The following SMARCA5 variants were observed in gnomAD, a reference collection of about 807,000 sequenced individuals.
SMARCA5 encodes SWI/SNF-related matrix-associated actin-dependent regulator of chromatin subfamily A member 5.
A neutral mutation model predicts 140.4 loss-of-function variants in SMARCA5; 18 were observed. The observed-to-expected ratio is 0.13, with a 90% CI of 0.09 to 0.19. SMARCA5 has a LOEUF of 0.19. Ranked by LOEUF, SMARCA5 falls within the 10% of genes least tolerant of loss-of-function variation. The pLI is 1.00. For missense variants in SMARCA5, 606 were observed against 1,276.8 expected, an observed-to-expected ratio of 0.47 and a Z score of 8.01; for synonymous variants, 449 against 419.6, an observed-to-expected ratio of 1.07 and a Z score of -0.86.
At chr4:143,524,318 T>A (rs891229369) in intron 3 of SMARCA5, 49 bp from the exon 4 acceptor site, 1 of 1,339,648 alleles carries the variant, frequency 7.5e-7, no homozygotes, top group Non-Finnish European at 1.0e-6. Flanking sequence ...CAGTAGCTGA[T>A]AATTAAAGCC....
chr4:143,514,417 A>G, intron 1 of SMARCA5: 1 of 309,388 alleles, frequency 3.2e-6, no homozygotes, highest in Non-Finnish European at 6.0e-6. Context: ...TTTTTTTCCC[A>G]CTAGACTCCC....
chr4:143,547,520 T>A lies in SMARCA5; in HGVS notation c.2772+17T>A. ...GACACAAAGGTAATTTGCTTGTTAA[T>A]AAGTTAGGTAGTTAATAAAATAACT... is the stretch of plus-strand genomic sequence containing the variant. On this transcript the variant is annotated intron_variant, in intron 21 of 23. Transcript: ENST00000283131. The A allele has an allele frequency of 7.7e-7, 1 of 1,293,072 alleles. No homozygotes were observed. The highest frequency in any genetic ancestry group is 1.8e-4 in the Middle Eastern group (1 of 5,414). The allele number at this position is 1,293,072 out of a possible 1,614,324, so 80.1% of individuals were successfully genotyped here.
chr4:143,528,055 A>C (rs763528438), intron 7 of SMARCA5, 32 bp downstream of exon 7: 1 of 1,501,638 alleles, frequency 6.7e-7, no homozygotes, highest in South Asian at 1.3e-5. Context: ...AAAAGCCTTC[A>C]TGTAAGAATT....
Position 143,527,876 on chromosome 4 carries a change from T to G in SMARCA5, c.810T>G (p.Phe270Leu). Residue 270 changes from phenylalanine to leucine, a missense_variant, in exon 7 of 24, where the codon TTT becomes TTG. By Grantham distance (22) the Phe-to-Leu change is conservative. Transcript: ENST00000283131. ...LIGDKEQRAA[F>L]VRDVLLPGEW... ...TTTCTCTTGTTACACAGGCTGCTTTTGTCAGAGACGTTTTATTACCGGGAG... is the reference window on the plus strand; with the variant it reads ...TTTCTCTTGTTACACAGGCTGCTTTGGTCAGAGACGTTTTATTACCGGGAG... 6.3e-7 allele frequency: 1 copy of G among 1,593,140 alleles called. No individual in the cohort carries two copies.
At chr4:143,529,088 C>A (rs1357344176) in intron 8 of SMARCA5, among the ~76,000 whole-genome samples, 2 of 152,256 alleles carry the variant, frequency 1.3e-5, no homozygotes, top group East Asian at 1.9e-4. Flanking sequence ...GTGTGTGCCA[C>A]CATGCCCGGC....
intron 13 of SMARCA5, among the ~76,000 whole-genome samples, chr4:143,539,572 TACTG>T (rs1737387609): frequency 1.3e-5 from 2 of 150,868 alleles, no homozygotes; most frequent in South Asian, 4.2e-4. Flanking sequence ...GTTTCGCTCT[TACTG>T]CTCAGGCTGG....
At chr4:143,552,266 GT>G (rs1306408414) in intron 23 of SMARCA5, among the ~76,000 whole-genome samples, 1 of 151,960 alleles carries the variant, frequency 6.6e-6, no homozygotes, top group East Asian at 1.9e-4. Flanking sequence ...CACTGAATTT[GT>G]TTATGAGTTC....
At position 143,546,895 on chromosome 4, in the gene SMARCA5, C is replaced by G; in HGVS notation, c.2640C>G (p.Val880=). Residue 880 remains valine, a synonymous_variant, in exon 20 of 24, where the codon GTC becomes GTG. Coordinates refer to ENST00000283131, the MANE Select transcript of SMARCA5 (RefSeq NM_003601.4). Reference sequence around the variant, plus strand: ...TAGAAGGCAAAACTCCAGAAGAAGTCATTGAATATTCAGGTAATTCTTTTA... The same window carrying G: ...TAGAAGGCAAAACTCCAGAAGAAGTGATTGAATATTCAGGTAATTCTTTTA... ...REVEGKTPEE[V]IEYSAVFWER... is the part of the protein sequence containing the mutation. The G allele has an allele frequency of 6.2e-7, 1 of 1,612,578 alleles. No homozygotes were observed. Among genetic ancestry groups the G allele is most frequent in the African/African-American group, 1.3e-5 (1 of 74,994 alleles).
chr4:143,524,881 G>A (rs1287547082), intron 4 of SMARCA5, among the ~76,000 whole-genome samples: 1 of 152,070 alleles, frequency 6.6e-6, no homozygotes, highest in Admixed American at 6.6e-5. Flanking sequence ...TTTTCAAAAG[G>A]AGATGGAGGG....
rs1736749453 is a variant in SMARCA5 at position 143,513,738 on chromosome 4, G to A, written c.-187G>A. ...CTAGAGCCCCGCGGAAGAGCAGAACGTTTGGGAGTGTGCAGCTCCTGGGCC... is the reference window on the plus strand; with the variant it reads ...CTAGAGCCCCGCGGAAGAGCAGAACATTTGGGAGTGTGCAGCTCCTGGGCC... On this transcript the variant is annotated 5_prime_UTR_variant, in exon 1 of 24. Coordinates refer to ENST00000283131, the MANE Select transcript of SMARCA5 (RefSeq NM_003601.4). The A allele has an allele frequency of 1.1e-5, 7 of 626,908 alleles. No individual in the cohort carries two copies. The allele number at this position is 626,908 out of a possible 1,614,324, so 38.8% of individuals were successfully genotyped here.
intron 2 of SMARCA5, among the ~76,000 whole-genome samples, chr4:143,520,526 C>T (rs532959035): frequency 6.6e-6 from 1 of 152,260 alleles, no homozygotes; most frequent in East Asian, 1.9e-4. Context: ...TGATTATGTT[C>T]CTTTTAAAAA....
In SMARCA5 at chr4:143,513,861, C is replaced by T; in HGVS notation, c.-64C>T. 3.3e-6 allele frequency: 5 copies of T among 1,503,510 alleles called. No individual in the cohort carries two copies. The South Asian group carries it at 4.9e-5, about 15-fold the overall frequency. The allele number at this position is 1,503,510 out of a possible 1,614,324, so 93.1% of individuals were successfully genotyped here. A position where few individuals can be genotyped will look rare whatever the true frequency, so the allele number is the denominator to read the frequency against. Reference sequence around the variant, plus strand: ...TTGCGACGTAGCATCCAGGCCTAGGCCTCCCCGTCCATCCCCGCCGGACTC... The same window carrying T: ...TTGCGACGTAGCATCCAGGCCTAGGTCTCCCCGTCCATCCCCGCCGGACTC... On this transcript the variant is annotated 5_prime_UTR_variant, in exon 1 of 24. Coordinates refer to ENST00000283131, the MANE Select transcript of SMARCA5 (RefSeq NM_003601.4).
In SMARCA5 at chr4:143,528,571, CT is replaced by C. The variant is rs1442532554; in HGVS notation, c.958-8del. The C allele has an allele frequency of 6.2e-7, 1 of 1,607,808 alleles. No homozygotes were observed. Among genetic ancestry groups the C allele is most frequent in the East Asian group, 2.2e-5 (1 of 44,724 alleles). ...GAATATTCTAATGGTGTATTTGGTT[CT>C]TTTCTTTCAGTTGTCAGAAATAGTG... On this transcript the variant is annotated splice_polypyrimidine_tract_variant and intron_variant, in intron 7 of 23. Transcript: ENST00000283131.
intron 2 of SMARCA5, among the ~76,000 whole-genome samples, chr4:143,517,632 C>T (rs991004082): frequency 6.6e-6 from 1 of 152,134 alleles, no homozygotes; most frequent in African/African-American, 2.4e-5. Context: ...GGCCTTCTTG[C>T]AGTGTCATTA....
At position 143,546,192 on chromosome 4, in the gene SMARCA5, AT is replaced by A; in HGVS notation, c.2520+146del. On this transcript the variant is annotated intron_variant, in intron 19 of 23. Coordinates refer to ENST00000283131, the MANE Select transcript of SMARCA5 (RefSeq NM_003601.4). ...CAATAAAGTATGGGCATGTGGATAA[AT>A]GCTCCATCTGATTGTCACTAGTTGA... The A allele has an allele frequency of 7.6e-6, 4 of 525,700 alleles. No homozygotes were observed. In the South Asian group the frequency reaches 1.4e-4, roughly 19 times the overall value. 32.6% of individuals were successfully genotyped at this position (525,700 alleles called of 1,614,324 possible). A position where few individuals can be genotyped will look rare whatever the true frequency, so the allele number is the denominator to read the frequency against.
chr4:143,516,009 T>G (rs1464290668), intron 1 of SMARCA5, among the ~76,000 whole-genome samples: 4 of 152,036 alleles, frequency 2.6e-5, no homozygotes, highest in Admixed American at 6.6e-5. Flanking sequence ...TTTTAAAATG[T>G]CAGTTTCCTG....
At chr4:143,550,194 G>T in intron 23 of SMARCA5, 90 bp downstream of exon 23, 5 of 596,232 alleles carry the variant, frequency 8.4e-6, no homozygotes, top group East Asian at 3.9e-5. Flanking sequence ...TGATGTGTTA[G>T]TCCCTGTTGT....
At position 143,513,805 on chromosome 4, in the gene SMARCA5, C is replaced by G. The variant is rs1414185699; in HGVS notation, c.-120C>G. ...CGGAGGCGCGGCGCAGGGGAGCGCT[C>G]GGGTGGGAGTCTCGCTCCTCCACCA... On this transcript the variant is annotated 5_prime_UTR_variant, in exon 1 of 24. Transcript: ENST00000283131. 7 of 1,188,584 alleles carry G rather than the reference C, an allele frequency of 5.9e-6. No individual in the cohort carries two copies. In the Admixed American group the frequency reaches 1.7e-4, roughly 28 times the overall value. 73.6% of individuals were successfully genotyped at this position (1,188,584 alleles called of 1,614,324 possible). A position where few individuals can be genotyped will look rare whatever the true frequency, so the allele number is the denominator to read the frequency against.
chr4:143,529,632 A>G (rs903227073), intron 8 of SMARCA5, among the ~76,000 whole-genome samples: 1 of 152,102 alleles, frequency 6.6e-6, no homozygotes, highest in Non-Finnish European at 1.5e-5. Flanking sequence ...ACCAGTGTTT[A>G]TTTTTGAAGC....
Sources: gnomAD v4.1 joint callset for allele counts (sites outside exome capture counted in the v4.1 genomes callset) on GRCh38, gnomAD v4.1.1 for gene constraint, MANE v1.5 for transcripts, NCBI Gene and HGNC (gene_info 2026-07-23, HGNC 2026-07-21) for gene names.